GRIP1: variants seen among roughly 807,000 people sequenced by gnomAD.
GRIP1 encodes the protein glutamate receptor-interacting protein 1.
In GRIP1, 45 loss-of-function variants were observed where a neutral mutation model predicts 129.9. That is an observed-to-expected ratio of 0.35 (90% CI 0.27 to 0.44). The LOEUF (loss-of-function observed/expected upper bound fraction) is 0.44. GRIP1 is among the 20% of genes least tolerant of loss of function. The pLI is 1.00. For missense variants in GRIP1, 1,196 were observed against 1,396.8 expected, an observed-to-expected ratio of 0.86 and a Z score of 2.29; for synonymous variants, 530 against 520.8, an observed-to-expected ratio of 1.02 and a Z score of -0.24.
At chr12:66,799,825 T>A (rs2038807075) in intron 1 of GRIP1, among the ~76,000 whole-genome samples, 1 of 152,148 alleles carries the variant, frequency 6.6e-6, no homozygotes, top group South Asian at 2.1e-4. Flanking sequence ...CCAGTAAGAA[T>A]AAATTACTTA....
intron 23 of GRIP1, among the ~76,000 whole-genome samples, chr12:66,369,170 T>C (rs975854462): frequency 6.6e-6 from 1 of 152,076 alleles, no homozygotes; most frequent in African/African-American, 2.4e-5. Flanking sequence ...ATGACAGAAG[T>C]GAAGGAAAAA....
chr12:66,354,346 T>C (rs116824242), intron 23 of GRIP1, among the ~76,000 whole-genome samples: 11 of 152,364 alleles, frequency 7.2e-5, no homozygotes, highest in Admixed American at 5.9e-4. Context: ...TAATCATTTG[T>C]ATATTCATCA....
At chr12:66,472,716 C>A (rs934034596) in intron 7 of GRIP1, among the ~76,000 whole-genome samples, 1 of 152,184 alleles carries the variant, frequency 6.6e-6, no homozygotes, top group African/African-American at 2.4e-5. Context: ...CCAGGAAGCA[C>A]AAGGGGTTGG....
At chr12:66,565,610 C>CT (rs1289200131) in intron 2 of GRIP1, among the ~76,000 whole-genome samples, 2 of 152,098 alleles carry the variant, frequency 1.3e-5, no homozygotes, top group Non-Finnish European at 2.9e-5. Flanking sequence ...AATGCAGGCT[C>CT]TTTTTTGGTT....
chr12:66,382,718 A>G (rs909906547), intron 19 of GRIP1, among the ~76,000 whole-genome samples: 6 of 152,230 alleles, frequency 3.9e-5, no homozygotes, highest in African/African-American at 1.4e-4. Flanking sequence ...TAAGTATCAG[A>G]TACTATATAT....
chr12:66,658,020 T>C (rs2033267545), intron 1 of GRIP1, among the ~76,000 whole-genome samples: 1 of 152,200 alleles, frequency 6.6e-6, no homozygotes, highest in Admixed American at 6.5e-5. Context: ...AGAAGGTAAG[T>C]CCTGATAAAC....
chr12:66,709,019 A>G (rs1592763919), intron 1 of GRIP1, among the ~76,000 whole-genome samples: 1 of 151,886 alleles, frequency 6.6e-6, no homozygotes, highest in East Asian at 1.9e-4. Context: ...AATATAAAAG[A>G]AAAGACAGTA....
intron 1 of GRIP1, among the ~76,000 whole-genome samples, chr12:66,726,784 A>T (rs866480348): frequency 1.2e-4 from 18 of 152,344 alleles, no homozygotes; most frequent in African/African-American, 2.9e-4. Flanking sequence ...AATTTGAGGC[A>T]GTAAAGTTAG....
At position 66,574,871 on chromosome 12, in the gene GRIP1, T is replaced by G. The variant is rs190491119; in HGVS notation, c.136+21976A>C. On this transcript the variant is annotated intron_variant, in intron 2 of 24. Coordinates refer to ENST00000359742, the MANE Select transcript of GRIP1 (RefSeq NM_001366722.1). ...TGTGATCTCAGCTCCGCCTTCTGGATTCAAGCGATTCTTATGCCTCATCTT... is the reference window on the plus strand; with the variant it reads ...TGTGATCTCAGCTCCGCCTTCTGGAGTCAAGCGATTCTTATGCCTCATCTT... Among the ~76,000 whole-genome samples, 188 of 151,060 alleles carry G rather than the reference T, an allele frequency of 1.2e-3. 2 individuals carry two copies. The highest frequency in any genetic ancestry group is 0.011 in the Admixed American group (165 of 14,972).
chr12:66,638,007 C>T (rs529822109), intron 1 of GRIP1, among the ~76,000 whole-genome samples: 5 of 152,282 alleles, frequency 3.3e-5, no homozygotes, highest in East Asian at 3.9e-4. Flanking sequence ...TTCTTTTGTA[C>T]GCTGTCAGCC....
In GRIP1 at chr12:66,441,102, C is replaced by T. The variant is rs73127209; in HGVS notation, c.1687+3482G>A. Among the ~76,000 whole-genome samples, 885 of 152,290 alleles carry T rather than the reference C, an allele frequency of 5.8e-3. 6 individuals are homozygous for T. Among genetic ancestry groups the T allele is most frequent in the South Asian group, 9.1e-3 (44 of 4,818 alleles). On this transcript the variant is annotated intron_variant, in intron 13 of 24. Transcript: ENST00000359742. ...CCTCAGCTCACTGCAATCTGACTTC[C>T]GCCCCTACTTTTCAGATCAATTCAT...
chr12:66,512,004 C>T (rs752858526), intron 7 of GRIP1, among the ~76,000 whole-genome samples: 2 of 152,068 alleles, frequency 1.3e-5, no homozygotes, highest in Non-Finnish European at 2.9e-5. Flanking sequence ...AGTGAGTTCT[C>T]ACAAGATCTG....
chr12:66,804,994 A>C (rs552776937), upstream of GRIP1, among the ~76,000 whole-genome samples: 15 of 152,318 alleles, frequency 9.8e-5, no homozygotes, highest in South Asian at 3.1e-3. Flanking sequence ...TTTGATTTAA[A>C]TATTAAAATG....
intron 1 of GRIP1, among the ~76,000 whole-genome samples, chr12:66,622,983 T>C (rs1010528131): frequency 2.0e-5 from 3 of 152,302 alleles, no homozygotes; most frequent in East Asian, 1.9e-4. Context: ...TCCCCCTCTA[T>C]ATTATGAATT....
chr12:66,762,985 C>T (rs2037521072), intron 1 of GRIP1, among the ~76,000 whole-genome samples: 1 of 152,170 alleles, frequency 6.6e-6, no homozygotes, highest in South Asian at 2.1e-4. Flanking sequence ...CACTGATCAT[C>T]ATAGTCTTGA....
intron 1 of GRIP1, among the ~76,000 whole-genome samples, chr12:66,734,204 T>C (rs556367197): frequency 2.6e-5 from 4 of 152,314 alleles, no homozygotes; most frequent in African/African-American, 9.6e-5. Flanking sequence ...CAGCAATTAC[T>C]TTTTTACAAC....
intron 1 of GRIP1, among the ~76,000 whole-genome samples, chr12:66,824,208 TTAAC>T (rs2136994606): frequency 6.6e-6 from 1 of 152,176 alleles, no homozygotes; most frequent in South Asian, 2.1e-4. Flanking sequence ...TTTTAATCAT[TTAAC>T]CAAAAAAATC....
At chr12:66,915,831 G>A (rs776660364) in intron 1 of GRIP1, among the ~76,000 whole-genome samples, 2 of 152,190 alleles carry the variant, frequency 1.3e-5, no homozygotes, top group African/African-American at 2.4e-5. Flanking sequence ...ATGAGACGAG[G>A]AAGAAAATAT....
intron 1 of GRIP1, among the ~76,000 whole-genome samples, chr12:67,025,643 T>C (rs557695440): frequency 6.6e-6 from 1 of 152,140 alleles, no homozygotes; most frequent in Non-Finnish European, 1.5e-5. Flanking sequence ...GGCTAGACTA[T>C]TGCCCCAGGT....
Sources: allele counts gnomAD v4.1 joint callset (sites outside exome capture counted in the v4.1 genomes callset), GRCh38; gene constraint gnomAD v4.1.1; transcripts MANE v1.5; gene names NCBI Gene and HGNC (gene_info 2026-07-23, HGNC 2026-07-21).